The following TM9SF4 variants were observed in gnomAD, a reference collection of about 807,000 sequenced individuals.
TM9SF4 encodes transmembrane 9 superfamily member 4.
Under a neutral mutation model 90.4 loss-of-function variants are expected in TM9SF4, and 26 were observed. The observed-to-expected ratio is 0.29, with a 90% CI of 0.21 to 0.40. The LOEUF (loss-of-function observed/expected upper bound fraction) is 0.40, where lower values mean the gene tolerates loss of function less well. Ranked by LOEUF, TM9SF4 falls within the 10% of genes least tolerant of loss-of-function variation. The probability of loss-of-function intolerance (pLI) is 1.00; values close to 1 mark genes in which losing one functional copy is unlikely to be tolerated. For synonymous variants in TM9SF4, 293 were observed against 315.4 expected (o/e 0.93, Z 0.75); for missense variants, 549 against 834.8 (o/e 0.66, Z 4.22).
At chr20:32,141,931 C>A in intron 5 of TM9SF4, 36 bp downstream of exon 5, 3 of 1,612,606 alleles carry the variant, frequency 1.9e-6, no homozygotes, top group Non-Finnish European at 2.5e-6. Context: ...GGACCGGGAG[C>A]CACACCTCAC....
intron 1 of TM9SF4, among the ~76,000 whole-genome samples, chr20:32,129,601 T>C (rs1245275756): frequency 9.7e-4 from 147 of 151,592 alleles, no homozygotes; most frequent in African/African-American, 3.5e-3. Flanking sequence ...TAGTGAATTT[T>C]TTTTTTTTTT....
chr20:32,148,726 A>G (rs1241260695), intron 9 of TM9SF4, among the ~76,000 whole-genome samples: 2 of 139,202 alleles, frequency 1.4e-5, no homozygotes, highest in Admixed American at 1.6e-4. Context: ...GCTGGAGTGC[A>G]GTGACACAAT....
At chr20:32,157,489 C>G (rs1293073156) in intron 13 of TM9SF4, among the ~76,000 whole-genome samples, 1 of 152,186 alleles carries the variant, frequency 6.6e-6, no homozygotes, top group Non-Finnish European at 1.5e-5. Flanking sequence ...CATGTAATCT[C>G]TTCATTTTGA....
Position 32,150,769 on chromosome 20 carries a change from C to T in TM9SF4, c.1170-31C>T, listed in dbSNP as rs1050209937. Reference sequence around the variant, plus strand: ...TCCTCCACACCAGCTAATGGGTCCCCTTGGTGTGGATCCCTGCCATTTTCC... The same window carrying T: ...TCCTCCACACCAGCTAATGGGTCCCTTTGGTGTGGATCCCTGCCATTTTCC... On this transcript the variant is annotated intron_variant, in intron 11 of 17. Transcript: ENST00000398022. The T allele has an allele frequency of 2.5e-6, 4 of 1,614,242 alleles. No individual in the cohort carries two copies. In the East Asian group the frequency reaches 6.7e-5, roughly 27 times the overall value.
intron 12 of TM9SF4, among the ~76,000 whole-genome samples, chr20:32,151,818 A>T (rs2046845720): frequency 6.6e-6 from 1 of 151,236 alleles, no homozygotes; most frequent in South Asian, 2.1e-4. Context: ...AGTAGCTGGG[A>T]TTACAGGCAT....
intron 8 of TM9SF4, 104 bp downstream of exon 8, chr20:32,145,527 C>A: frequency 1.0e-6 from 1 of 991,494 alleles, no homozygotes; most frequent in Non-Finnish European, 1.6e-6. Flanking sequence ...GAGGGTCAGG[C>A]GTAGGTCAAA....
Position 32,165,357 on chromosome 20 carries a change from G to T in TM9SF4, c.1842G>T (p.Leu614Phe), listed in dbSNP as rs1341265308. Residue 614 changes from leucine (L) to phenylalanine (F), a missense_variant, in exon 18 of 18, where the codon TTG becomes TTT. By Grantham distance (22) the Leu-to-Phe change is conservative (BLOSUM62 0). Transcript: ENST00000398022. ...LYFGYTALMV[L>F]SFWLLTGTIG... is the part of the protein sequence containing the mutation. ...TTGGCTACACGGCCCTCATGGTCTTGTCCTTCTGGCTGCTAACGGGTACCA... is the reference window on the plus strand; with the variant it reads ...TTGGCTACACGGCCCTCATGGTCTTTTCCTTCTGGCTGCTAACGGGTACCA... The T allele has an allele frequency of 1.9e-6, 3 of 1,614,166 alleles. No homozygotes were observed. Among genetic ancestry groups the T allele is most frequent in the Non-Finnish European group, 2.5e-6 (3 of 1,180,016 alleles).
chr20:32,139,578 G>GTTCC lies in TM9SF4; in HGVS notation c.230-1916_230-1913dup, dbSNP rs2046641871. ...CCACCACCACCACTGCTCACCGCCA[G>GTTCC]TTCCTTGCATCCTCTGTTTTCTTCA... On this transcript the variant is annotated intron_variant, in intron 3 of 17. Transcript: ENST00000398022. 2.6e-5 allele frequency among the ~76,000 whole-genome samples: 4 copies of GTTCC among 152,216 alleles called. 1 individual carries two copies. In the South Asian group the frequency reaches 8.3e-4, roughly 31 times the overall value.
chr20:32,151,625 C>T (rs923653856), intron 12 of TM9SF4, among the ~76,000 whole-genome samples: 4 of 152,222 alleles, frequency 2.6e-5, no homozygotes, highest in East Asian at 1.9e-4. Context: ...AAGTTGTGAC[C>T]GTGACTATTT....
intron 12 of TM9SF4, among the ~76,000 whole-genome samples, chr20:32,154,229 A>G (rs914757401): frequency 5.9e-5 from 9 of 151,684 alleles, no homozygotes; most frequent in African/African-American, 7.3e-5. Context: ...GCTCACTGCA[A>G]CCTCTGCCTC....
intron 12 of TM9SF4, among the ~76,000 whole-genome samples, chr20:32,154,717 T>C (rs999319086): frequency 6.6e-6 from 1 of 151,864 alleles, no homozygotes; most frequent in Non-Finnish European, 1.5e-5. Context: ...CCTCCCAAAG[T>C]GCTGGGATTG....
Position 32,123,866 on chromosome 20 carries a change from A to ATATATATATTTTTTTTTT in TM9SF4, c.16-9146_16-9145insATATATATTTTTTTTTTT. Among the ~76,000 whole-genome samples, 728 of 93,784 alleles carry ATATATATATTTTTTTTTT rather than the reference A, an allele frequency of 7.8e-3. 10 individuals carry two copies. Among genetic ancestry groups the ATATATATATTTTTTTTTT allele is most frequent in the Middle Eastern group, 0.011 (2 of 180 alleles). 61.5% of individuals were successfully genotyped at this position (93,784 alleles called of 152,430 possible). Reference sequence around the variant, plus strand: ...CTCTCATATATATATATATATATATATTTTTTTTTTTAAAGAGATAGGGTC... The same window carrying ATATATATATTTTTTTTTT: ...CTCTCATATATATATATATATATATATATATATATTTTTTTTTTTTTTTTTTTTTAAAGAGATAGGGTC... On this transcript the variant is annotated intron_variant, in intron 1 of 17. Coordinates refer to ENST00000398022, the MANE Select transcript of TM9SF4 (RefSeq NM_014742.4).
intron 8 of TM9SF4, 132 bp from the exon 9 acceptor site, chr20:32,146,653 A>G (rs897480320): frequency 1.0e-5 from 8 of 765,114 alleles, no homozygotes; most frequent in African/African-American, 8.7e-5. Flanking sequence ...AGGTGGCTGC[A>G]TAGCCAGTTC....
intron 3 of TM9SF4, among the ~76,000 whole-genome samples, chr20:32,140,090 C>T (rs1354097786): frequency 2.0e-5 from 3 of 152,176 alleles, no homozygotes; most frequent in South Asian, 2.1e-4. Context: ...TACATGTTCA[C>T]GGATGAATGA....
chr20:32,122,339 G>T (rs1600785251), intron 1 of TM9SF4, among the ~76,000 whole-genome samples: 1 of 151,600 alleles, frequency 6.6e-6, no homozygotes, highest in Non-Finnish European at 1.5e-5. Context: ...CGGGGTGGCT[G>T]CCGGGCGGAG....
rs769272122 is a variant in TM9SF4 at position 32,157,877 on chromosome 20, C to T, written c.1413C>T (p.Gly471=). Reference sequence around the variant, plus strand: ...TCGTCTACTTGGGCTACTACTTCGGCTTCCGAAAGCAGCCATATGACAACC... The same window carrying T: ...TCGTCTACTTGGGCTACTACTTCGGTTTCCGAAAGCAGCCATATGACAACC... ...LPLVYLGYYF[G]FRKQPYDNPV... is the part of the protein sequence containing the mutation. Residue 471 remains glycine, a synonymous_variant, in exon 14 of 18, where the codon GGC becomes GGT. Transcript: ENST00000398022. 5.0e-6 allele frequency: 8 copies of T among 1,614,050 alleles called. No homozygotes were observed. The African/African-American group carries it at 5.3e-5, about 11-fold the overall frequency.
At chr20:32,116,736 C>T (rs1359693039) in intron 1 of TM9SF4, 1 of 151,374 alleles carries the variant, frequency 6.6e-6, no homozygotes, top group Non-Finnish European at 1.5e-5. Context: ...TGTCATTAGC[C>T]TTCATTCACA....
At chr20:32,151,654 G>A (rs180890016) in intron 12 of TM9SF4, among the ~76,000 whole-genome samples, 16 of 152,168 alleles carry the variant, frequency 1.1e-4, no homozygotes, top group Admixed American at 5.9e-4. Context: ...TCAAAGAAAG[G>A]TTCCTGAATT....
chr20:32,155,983 A>G (rs1413811746), intron 13 of TM9SF4, among the ~76,000 whole-genome samples: 1 of 152,144 alleles, frequency 6.6e-6, no homozygotes, highest in African/African-American at 2.4e-5. Context: ...CCTCCCAGTT[A>G]CCAGCTGCTC....
Sources: allele counts gnomAD v4.1 joint callset (sites outside exome capture counted in the v4.1 genomes callset), GRCh38; gene constraint gnomAD v4.1.1; transcripts MANE v1.5; gene names NCBI Gene and HGNC (gene_info 2026-07-23, HGNC 2026-07-21).